The following FYN variants were observed in gnomAD, a reference collection of about 807,000 sequenced individuals.
FYN encodes the protein tyrosine-protein kinase Fyn.
A neutral mutation model predicts 70.2 loss-of-function variants in FYN; 10 were observed. The observed-to-expected ratio is 0.14, with a 90% CI of 0.09 to 0.24. The LOEUF (loss-of-function observed/expected upper bound fraction) is 0.24. Among genes scored for constraint, FYN ranks in the 10% least tolerant of loss-of-function variants. FYN has a pLI of 1.00. For synonymous variants in FYN, 236 were observed against 248.6 expected (o/e 0.95, Z 0.48); for missense variants, 319 against 673.1 (o/e 0.47, Z 5.82).
intron 1 of FYN, among the ~76,000 whole-genome samples, chr6:111,849,603 C>T (rs868242151): frequency 1.6e-4 from 24 of 152,126 alleles, no homozygotes; most frequent in Admixed American, 1.3e-4. Flanking sequence ...AAGGCAGAGG[C>T]CAGACTGTGA....
intron 2 of FYN, among the ~76,000 whole-genome samples, chr6:111,793,416 T>C (rs1447908228): frequency 1.3e-5 from 2 of 152,056 alleles, no homozygotes; most frequent in Non-Finnish European, 2.9e-5. Flanking sequence ...AGTCTGCGCA[T>C]CCCCAGATGA....
chr6:111,739,250 T>C (rs541449714), intron 3 of FYN, among the ~76,000 whole-genome samples: 2 of 152,364 alleles, frequency 1.3e-5, no homozygotes, highest in East Asian at 3.9e-4. Context: ...ACAATCTGTT[T>C]AAATTGTTCA....
At chr6:111,672,391 G>A (rs568092276) in intron 13 of FYN, among the ~76,000 whole-genome samples, 2 of 152,336 alleles carry the variant, frequency 1.3e-5, no homozygotes, top group East Asian at 3.9e-4. Context: ...AGCCGCTGGA[G>A]TTAGTTCTCA....
chr6:111,781,109 A>C (rs1200360505), intron 2 of FYN: 1 of 152,158 alleles, frequency 6.6e-6, no homozygotes, highest in African/African-American at 2.4e-5. Context: ...TACTGACCTC[A>C]TAGGGTTGCT....
chr6:111,839,665 C>A (rs1352366598), intron 2 of FYN, among the ~76,000 whole-genome samples: 1 of 152,080 alleles, frequency 6.6e-6, no homozygotes, highest in Non-Finnish European at 1.5e-5. Context: ...ACCAGAATGA[C>A]GGGATTCCTG....
intron 3 of FYN, among the ~76,000 whole-genome samples, chr6:111,757,815 G>A (rs1180024121): frequency 3.3e-5 from 5 of 152,190 alleles, no homozygotes; most frequent in African/African-American, 7.2e-5. Flanking sequence ...ATCCAATTGC[G>A]TTCCCTGTAC....
chr6:111,855,176 T>C (rs1056981141), intron 1 of FYN, among the ~76,000 whole-genome samples: 1 of 152,150 alleles, frequency 6.6e-6, no homozygotes, highest in Non-Finnish European at 1.5e-5. Context: ...AAACAGAAAA[T>C]CAATTAATTC....
chr6:111,788,660 C>CA (rs1771493406), intron 2 of FYN, among the ~76,000 whole-genome samples: 2 of 152,208 alleles, frequency 1.3e-5, no homozygotes, highest in Admixed American at 1.3e-4. Context: ...TATAGTCCTA[C>CA]AACCTGCCAT....
intron 3 of FYN, among the ~76,000 whole-genome samples, chr6:111,724,308 C>T (rs900644826): frequency 3.6e-4 from 55 of 152,112 alleles, no homozygotes; most frequent in East Asian, 5.8e-4. Flanking sequence ...TAGTGATTGA[C>T]GGAAACTGAC....
chr6:111,756,347 C>A (rs1196111156), intron 3 of FYN, among the ~76,000 whole-genome samples: 5 of 151,692 alleles, frequency 3.3e-5, no homozygotes, highest in African/African-American at 1.2e-4. Flanking sequence ...AAAAGCTTCT[C>A]ATCCTTCCAC....
intron 3 of FYN, chr6:111,758,687 GA>G: frequency 6.6e-6 from 1 of 152,414 alleles, no homozygotes; most frequent in East Asian, 1.9e-4. Context: ...AGGAGACACT[GA>G]AATGGCTCAG....
At chr6:111,746,277 C>G (rs995313140) in intron 3 of FYN, among the ~76,000 whole-genome samples, 1 of 152,162 alleles carries the variant, frequency 6.6e-6, no homozygotes, top group Non-Finnish European at 1.5e-5. Context: ...AAACCCCCAT[C>G]AAGATCTAGA....
At chr6:111,810,943 C>T (rs564774003) in intron 2 of FYN, among the ~76,000 whole-genome samples, 2 of 152,346 alleles carry the variant, frequency 1.3e-5, no homozygotes, top group African/African-American at 4.8e-5. Context: ...TTCTACAATG[C>T]ATCCGTTGTT....
At chr6:111,723,509 C>T (rs920626139) in intron 3 of FYN, among the ~76,000 whole-genome samples, 1 of 152,152 alleles carries the variant, frequency 6.6e-6, no homozygotes, top group Non-Finnish European at 1.5e-5. Flanking sequence ...CTTTTCTCTT[C>T]AATGACACAT....
intron 4 of FYN, among the ~76,000 whole-genome samples, chr6:111,716,898 C>A (rs538011165): frequency 6.6e-6 from 1 of 151,704 alleles, no homozygotes; most frequent in Admixed American, 6.6e-5. Flanking sequence ...GATTCTCCTG[C>A]CTCAGCCTCC....
intron 3 of FYN, among the ~76,000 whole-genome samples, chr6:111,767,808 C>G (rs1803292532): frequency 6.6e-6 from 1 of 152,204 alleles, no homozygotes; most frequent in East Asian, 1.9e-4. Flanking sequence ...ATTCTGGCAC[C>G]TACTGTGTGC....
chr6:111,681,939 T>C (rs183543991), intron 12 of FYN, among the ~76,000 whole-genome samples: 1 of 152,302 alleles, frequency 6.6e-6, no homozygotes, highest in Non-Finnish European at 1.5e-5. Context: ...GCATAAACAC[T>C]ATACACTGTT....
At chr6:111,709,183 G>A (rs1345655562) in intron 5 of FYN, 1 of 147,094 alleles carries the variant, frequency 6.8e-6, no homozygotes, top group Non-Finnish European at 1.5e-5. Context: ...CAAAACTTCA[G>A]GCATTTTAAA....
chr6:111,770,140 T>C (rs1469344445), intron 3 of FYN, among the ~76,000 whole-genome samples: 1 of 152,220 alleles, frequency 6.6e-6, no homozygotes. Context: ...ACATTTCAAG[T>C]GGCTTGTACA....
Sources: allele counts gnomAD v4.1 joint callset (sites outside exome capture counted in the v4.1 genomes callset), GRCh38; gene constraint gnomAD v4.1.1; transcripts MANE v1.5; gene names NCBI Gene and HGNC (gene_info 2026-07-23, HGNC 2026-07-21).